GON4L: variants seen among roughly 807,000 people sequenced by gnomAD.
GON4L encodes the protein GON-4-like protein.
Under a neutral mutation model 211.8 loss-of-function variants are expected in GON4L, and 87 were observed. The observed-to-expected ratio is 0.41, with a 90% confidence interval of 0.35 to 0.49. The LOEUF (loss-of-function observed/expected upper bound fraction) is 0.49. GON4L is among the 20% of genes least tolerant of loss of function. The probability of loss-of-function intolerance (pLI) is 0.15; values close to 1 mark genes in which losing one functional copy is unlikely to be tolerated. For missense variants in GON4L, 2,155 were observed against 2,659.5 expected, an observed-to-expected ratio of 0.81 and a Z score of 4.17; for synonymous variants, 875 against 962.6, an observed-to-expected ratio of 0.91 and a Z score of 1.68.
At chr1:155,837,016 A>G (rs1399046626) in intron 2 of GON4L, among the ~76,000 whole-genome samples, 1 of 152,098 alleles carries the variant, frequency 6.6e-6, no homozygotes, top group Non-Finnish European at 1.5e-5. Flanking sequence ...CCAGGTTTTC[A>G]GCATTTGGTA....
chr1:155,761,398 GCTTGT>G (rs974594180), intron 23 of GON4L, among the ~76,000 whole-genome samples: 5 of 151,270 alleles, frequency 3.3e-5, no homozygotes, highest in Admixed American at 3.3e-4. Flanking sequence ...TGTTGCCCAG[GCTTGT>G]CTTGTCTTGA....
At chr1:155,850,732 A>G (rs1671692486) in intron 2 of GON4L, among the ~76,000 whole-genome samples, 1 of 152,170 alleles carries the variant, frequency 6.6e-6, no homozygotes, top group African/African-American at 2.4e-5. Flanking sequence ...AAATGCGGCA[A>G]AAAAGAAAAC....
At chr1:155,776,126 T>C (rs1253162969) in intron 16 of GON4L, among the ~76,000 whole-genome samples, 6 of 152,188 alleles carry the variant, frequency 3.9e-5, no homozygotes, top group Non-Finnish European at 8.8e-5. Context: ...CCTAAGAAGT[T>C]AGGTTGGATC....
chr1:155,804,175 A>G (rs1161120701), intron 11 of GON4L, among the ~76,000 whole-genome samples: 1 of 151,572 alleles, frequency 6.6e-6, no homozygotes, highest in Non-Finnish European at 1.5e-5. Flanking sequence ...TTGAGGCAGG[A>G]GTTTAAGACC....
At position 155,776,408 on chromosome 1, in the gene GON4L, G is replaced by C. The variant is rs1663818803; in HGVS notation, c.2165C>G (p.Thr722Ser). 1 of 1,606,396 alleles carries C rather than the reference G, an allele frequency of 6.2e-7. No homozygotes were observed. The highest frequency in any genetic ancestry group is 1.7e-5 in the Admixed American group (1 of 59,974). Residue 722 changes from threonine to serine, a missense_variant, in exon 16 of 32, where the codon ACC (threonine) becomes AGC (serine). Thr to Ser is a moderately conservative substitution (Grantham distance 58). Around this residue, in one of 6 missense-constraint regions of GON4L, gnomAD observed 551 missense variants for 854.0 expected, o/e 0.65. Coordinates refer to ENST00000368331, the MANE Select transcript of GON4L (RefSeq NM_001282860.2). ...TTGGAAACTTACAAGAAATATCCTGGTGGTAGTGGCCTCCGGATTGAGGTT... is the reference window on the plus strand; with the variant it reads ...TTGGAAACTTACAAGAAATATCCTGCTGGTAGTGGCCTCCGGATTGAGGTT... ...NPNLNPEATT[T>S]RIFLKELGTF...
At chr1:155,745,235 CAA>C (rs1044977516), downstream of GON4L, among the ~76,000 whole-genome samples, 1 of 152,038 alleles carries the variant, frequency 6.6e-6, no homozygotes, top group African/African-American at 2.4e-5. Flanking sequence ...CCATATTGAG[CAA>C]AAGACAGACG....
chr1:155,833,811 T>C (rs1670042264), intron 2 of GON4L, among the ~76,000 whole-genome samples: 1 of 149,060 alleles, frequency 6.7e-6, no homozygotes, highest in Non-Finnish European at 1.5e-5. Context: ...GAAAAATCTC[T>C]GGGGTTTCAT....
chr1:155,753,090 A>T, intron 29 of GON4L, 114 bp downstream of exon 29: 1 of 748,662 alleles, frequency 1.3e-6, no homozygotes, highest in East Asian at 2.6e-5. Flanking sequence ...TCAGTGAAAG[A>T]GGTGGTATAT....
intron 8 of GON4L, 114 bp from the exon 9 acceptor site, chr1:155,814,563 T>G: frequency 2.8e-6 from 3 of 1,087,154 alleles, no homozygotes; most frequent in Non-Finnish European, 4.2e-6. Context: ...CTGGCCAACA[T>G]GGTGAACACC....
At chr1:155,835,691 A>G (rs1470862224) in intron 2 of GON4L, among the ~76,000 whole-genome samples, 1 of 152,104 alleles carries the variant, frequency 6.6e-6, no homozygotes, top group Non-Finnish European at 1.5e-5. Flanking sequence ...CTTTGTATAC[A>G]TACAGCTAGC....
intron 12 of GON4L, among the ~76,000 whole-genome samples, chr1:155,787,306 T>C (rs994884985): frequency 2.6e-5 from 4 of 151,600 alleles, no homozygotes; most frequent in Non-Finnish European, 5.9e-5. Flanking sequence ...TACAAGAATC[T>C]GAGGAAAAAA....
In GON4L at chr1:155,814,292, G is replaced by A. The variant is rs761191312; in HGVS notation, c.1281+38C>T. ...TACAGTTAAAAAATCTACTTAGACAGTTATGTCTAACATCTCTTTTGTATG... is the reference window on the plus strand; with the variant it reads ...TACAGTTAAAAAATCTACTTAGACAATTATGTCTAACATCTCTTTTGTATG... On this transcript the variant is annotated intron_variant, in intron 9 of 31. Transcript: ENST00000368331. 4 of 1,564,350 alleles carry A rather than the reference G, an allele frequency of 2.6e-6. No homozygotes were observed. The South Asian group carries it at 4.4e-5, about 17-fold the overall frequency.
At chr1:155,772,590 C>CAAA (rs796482955) in intron 18 of GON4L, among the ~76,000 whole-genome samples, 2 of 69,820 alleles carry the variant, frequency 2.9e-5, no homozygotes, top group Non-Finnish European at 6.1e-5. Context: ...CTCATCTCTA[C>CAAA]AAAAAAAAAA....
At chr1:155,811,735 G>A (rs1406301780) in intron 10 of GON4L, among the ~76,000 whole-genome samples, 2 of 88,234 alleles carry the variant, frequency 2.3e-5, no homozygotes, top group African/African-American at 4.6e-5. Context: ...CAGCCTGGGA[G>A]ACAGGCAAGA....
intron 12 of GON4L, among the ~76,000 whole-genome samples, chr1:155,794,303 C>G (rs1368794178): frequency 6.6e-6 from 1 of 152,128 alleles, no homozygotes; most frequent in Non-Finnish European, 1.5e-5. Context: ...AACTCCTAAC[C>G]TCAGGTGATC....
At chr1:155,756,063 G>A (rs149650474) in intron 27 of GON4L, among the ~76,000 whole-genome samples, 4 of 151,550 alleles carry the variant, frequency 2.6e-5, no homozygotes, top group African/African-American at 9.7e-5. Flanking sequence ...TCATATCCTA[G>A]CACCACCACT....
At chr1:155,830,367 T>G (rs1406898780) in intron 2 of GON4L, among the ~76,000 whole-genome samples, 2 of 151,306 alleles carry the variant, frequency 1.3e-5, no homozygotes, top group African/African-American at 4.9e-5. Context: ...AACCTCCGCC[T>G]CCCGGGTTCA....
chr1:155,816,387 T>C, intron 6 of GON4L, 125 bp from the exon 7 acceptor site: 1 of 614,564 alleles, frequency 1.6e-6, no homozygotes, highest in African/African-American at 1.8e-5. Flanking sequence ...TCTAGAGGTG[T>C]TGATTATCCC....
downstream of GON4L, chr1:155,748,488 C>T (rs1660342654): frequency 1.4e-5 from 23 of 1,613,202 alleles, no homozygotes; most frequent in South Asian, 2.2e-5. Context: ...TCTCCAGTTT[C>T]CATGGTTCAT....
Sources: allele counts gnomAD v4.1 joint callset (sites outside exome capture counted in the v4.1 genomes callset), GRCh38; gene constraint gnomAD v4.1.1; regional missense constraint gnomAD v4.1.1; transcripts MANE v1.5; gene names NCBI Gene and HGNC (gene_info 2026-07-23, HGNC 2026-07-21).